The following COG5 variants were observed in gnomAD, a reference collection of about 807,000 sequenced individuals.
The protein encoded by COG5 is component of oligomeric golgi complex 5.
In COG5, 86 loss-of-function variants were observed where a neutral mutation model predicts 110.4. The observed-to-expected ratio is 0.78, with a 90% CI of 0.65 to 0.93. COG5 has a LOEUF of 0.93. Among genes scored for constraint, COG5 ranks in the 40% least tolerant of loss-of-function variants. COG5 has a pLI of 0.00. For synonymous variants in COG5, 360 were observed against 334.6 expected (o/e 1.08, Z -0.83); for missense variants, 1,077 against 987.0 (o/e 1.09, Z -1.22).
intron 8 of COG5, among the ~76,000 whole-genome samples, chr7:107,370,146 T>C (rs1034614636): frequency 3.3e-5 from 5 of 152,070 alleles, no homozygotes; most frequent in Admixed American, 3.3e-4. Context: ...AAGTCTCAGA[T>C]TGAAAATGAG....
chr7:107,362,205 T>C, intron 9 of COG5, 95 bp from the exon 10 acceptor site: 1 of 1,326,836 alleles, frequency 7.5e-7, no homozygotes, highest in Non-Finnish European at 1.1e-6. Context: ...AGTGGAGGTA[T>C]TTTGAATGCT....
intron 11 of COG5, among the ~76,000 whole-genome samples, chr7:107,312,357 T>C (rs1452725407): frequency 6.6e-6 from 1 of 152,210 alleles, no homozygotes; most frequent in East Asian, 1.9e-4. Context: ...AGGCAGAAGC[T>C]TTTTGCAGAG....
intron 17 of COG5, among the ~76,000 whole-genome samples, chr7:107,238,817 G>A (rs1312279053): frequency 6.6e-6 from 1 of 152,058 alleles, no homozygotes; most frequent in African/African-American, 2.4e-5. Flanking sequence ...TGTCTGTTCA[G>A]GTCCTTTGCC....
At chr7:107,359,313 G>C (rs1342012467) in intron 10 of COG5, among the ~76,000 whole-genome samples, 1 of 152,192 alleles carries the variant, frequency 6.6e-6, no homozygotes, top group Non-Finnish European at 1.5e-5. Flanking sequence ...GCAGACTCAG[G>C]GCAGCACACC....
At chr7:107,559,611 A>C (rs559691546) in intron 1 of COG5, among the ~76,000 whole-genome samples, 22 of 152,328 alleles carry the variant, frequency 1.4e-4, no homozygotes, top group African/African-American at 5.3e-4. Flanking sequence ...AACAACCAAC[A>C]ACAAAAAGTA....
chr7:107,233,532 C>T (rs1258013206), intron 18 of COG5, among the ~76,000 whole-genome samples: 2 of 152,166 alleles, frequency 1.3e-5, no homozygotes, highest in Non-Finnish European at 2.9e-5. Flanking sequence ...CCTGAAAATA[C>T]GTCATTATCT....
intron 12 of COG5, among the ~76,000 whole-genome samples, chr7:107,291,482 T>G (rs1806169092): frequency 1.3e-5 from 2 of 152,314 alleles, no homozygotes; most frequent in South Asian, 4.2e-4. Context: ...ATTGGCTGGA[T>G]TATTTTAATG....
intron 12 of COG5, among the ~76,000 whole-genome samples, chr7:107,287,477 T>A (rs182203203): frequency 7.3e-4 from 111 of 152,332 alleles, no homozygotes; most frequent in African/African-American, 2.5e-3. Flanking sequence ...CTTTCATATA[T>A]ATAATTTACA....
rs558181471 is a variant in COG5, at chr7:107,323,323, G to T, written c.1108+1117C>A. ...GCGGGCCGATCATTTGAGGTCAGGAGTTCGAGACCAGCCTGACCAACATGG... is the reference window on the plus strand; with the variant it reads ...GCGGGCCGATCATTTGAGGTCAGGATTTCGAGACCAGCCTGACCAACATGG... On this transcript the variant is annotated intron_variant, in intron 11 of 21. Coordinates refer to ENST00000297135, the MANE Select transcript of COG5 (RefSeq NM_006348.5). Among the ~76,000 whole-genome samples, 5 of 152,280 alleles carry T rather than the reference G, an allele frequency of 3.3e-5. No homozygotes were observed. The East Asian group carries it at 9.6e-4, about 29-fold the overall frequency.
chr7:107,432,241 T>C (rs1157030933), intron 6 of COG5, among the ~76,000 whole-genome samples: 7 of 152,300 alleles, frequency 4.6e-5, no homozygotes, highest in Middle Eastern at 3.4e-3. Context: ...ATGACAATAA[T>C]GACCAAGTGA....
intron 6 of COG5, among the ~76,000 whole-genome samples, chr7:107,485,851 A>G (rs181760401): frequency 6.6e-6 from 1 of 152,300 alleles, no homozygotes; most frequent in East Asian, 1.9e-4. Context: ...GTAAAGAGCA[A>G]TTGGGCTCAA....
chr7:107,251,620 A>G (rs1025009458), intron 16 of COG5, among the ~76,000 whole-genome samples: 2 of 152,174 alleles, frequency 1.3e-5, no homozygotes, highest in Admixed American at 6.5e-5. Context: ...TAAATAATCC[A>G]TGACTCAGAT....
At chr7:107,422,773 A>C in intron 6 of COG5, among the ~76,000 whole-genome samples, 1 of 143,820 alleles carries the variant, frequency 7.0e-6, no homozygotes, top group East Asian at 2.0e-4. Flanking sequence ...TTTTTAAAAA[A>C]CTGGACTACC....
intron 6 of COG5, among the ~76,000 whole-genome samples, chr7:107,420,619 C>G (rs1469414250): frequency 6.6e-6 from 1 of 152,154 alleles, no homozygotes; most frequent in Non-Finnish European, 1.5e-5. Context: ...TGCAACCACG[C>G]CTGGCTAATT....
At chr7:107,531,538 C>T (rs1193705214) in intron 5 of COG5, among the ~76,000 whole-genome samples, 1 of 151,240 alleles carries the variant, frequency 6.6e-6, no homozygotes, top group Non-Finnish European at 1.5e-5. Context: ...ATTGTTCATA[C>T]TGAAAACTAA....
intron 11 of COG5, among the ~76,000 whole-genome samples, chr7:107,303,700 C>A (rs80153759): frequency 0.16 from 24,444 of 152,080 alleles, 2,356 homozygotes; most frequent in Non-Finnish European, 0.22. Context: ...CTCAGTCTCC[C>A]AAAGCACTGG....
intron 6 of COG5, among the ~76,000 whole-genome samples, chr7:107,420,397 C>T (rs1313878308): frequency 2.6e-5 from 4 of 152,040 alleles, no homozygotes; most frequent in African/African-American, 7.2e-5. Flanking sequence ...GAAGAAGCAC[C>T]CGGAAGAACA....
chr7:107,510,846 C>T (rs577462271), intron 6 of COG5, among the ~76,000 whole-genome samples: 2,002 of 152,190 alleles, frequency 0.013, 50 homozygotes, highest in African/African-American at 0.045. Context: ...CTGAAACCAA[C>T]GGAAACAAAG....
intron 7 of COG5, among the ~76,000 whole-genome samples, chr7:107,412,004 A>C (rs531099742): frequency 7.1e-4 from 108 of 152,256 alleles, no homozygotes; most frequent in African/African-American, 2.6e-3. Context: ...CAAGTCAAAA[A>C]TTTTTTAAAT....
Sources: gnomAD v4.1 joint callset for allele counts (sites outside exome capture counted in the v4.1 genomes callset) on GRCh38, gnomAD v4.1.1 for gene constraint, MANE v1.5 for transcripts, NCBI Gene and HGNC (gene_info 2026-07-23, HGNC 2026-07-21) for gene names.